GPATCH8: variants seen among roughly 807,000 people sequenced by gnomAD.
The protein encoded by GPATCH8 is G patch domain-containing protein 8.
GPATCH8 carries 18 observed loss-of-function variants against 118.3 expected under a neutral mutation model. The ratio of observed to expected loss-of-function variants is 0.15; its 90% confidence interval spans 0.11 to 0.23. The LOEUF (loss-of-function observed/expected upper bound fraction) is 0.23. Ranked by LOEUF, GPATCH8 falls within the 10% of genes least tolerant of loss-of-function variation. The probability of loss-of-function intolerance (pLI) is 1.00; values close to 1 mark genes in which losing one functional copy is unlikely to be tolerated. For synonymous variants in GPATCH8, 659 were observed against 684.7 expected (o/e 0.96, Z 0.59); for missense variants, 1,631 against 1,873.8 (o/e 0.87, Z 2.39).
intron 3 of GPATCH8, chr17:44,438,525 C>T (rs1437487820): frequency 6.6e-6 from 1 of 151,846 alleles, no homozygotes; most frequent in Non-Finnish European, 1.5e-5. Context: ...CTTTAATGAA[C>T]AAGGATCAGA....
At chr17:44,451,459 G>A (rs577675010) in intron 3 of GPATCH8, among the ~76,000 whole-genome samples, 1 of 152,204 alleles carries the variant, frequency 6.6e-6, no homozygotes, top group East Asian at 1.9e-4. Context: ...AACAGCAACA[G>A]AGAATACATA....
intron 7 of GPATCH8, among the ~76,000 whole-genome samples, chr17:44,403,509 G>C (rs1313187379): frequency 6.6e-6 from 1 of 152,120 alleles, no homozygotes; most frequent in Non-Finnish European, 1.5e-5. Context: ...GTGAGCCACT[G>C]CGCATCTGGC....
intron 1 of GPATCH8, among the ~76,000 whole-genome samples, chr17:44,477,682 C>A (rs1967886946): frequency 1.4e-5 from 2 of 146,314 alleles, no homozygotes; most frequent in African/African-American, 2.5e-5. Context: ...TAGCAAGGGA[C>A]AGGAGGAGTA....
chr17:44,474,168 C>T (rs564987796), intron 2 of GPATCH8, among the ~76,000 whole-genome samples: 2 of 152,028 alleles, frequency 1.3e-5, no homozygotes, highest in African/African-American at 2.4e-5. Context: ...TTAAAAATAA[C>T]GGGTTTTTCA....
chr17:44,498,777 G>C (rs563076070), intron 1 of GPATCH8, among the ~76,000 whole-genome samples: 1 of 152,212 alleles, frequency 6.6e-6, no homozygotes, highest in South Asian at 2.1e-4. Flanking sequence ...GCGAGACATA[G>C]GAAAAACGAT....
rs1387660795 is a variant in GPATCH8, at chr17:44,398,006, T to C, written c.4071A>G (p.Gln1357=). ...TAGCTGGCTGCTGAATGTGGATGGGTTGCAGGGCTGGTGTGGCTGGGGCCA... is the reference window on the plus strand; with the variant it reads ...TAGCTGGCTGCTGAATGTGGATGGGCTGCAGGGCTGGTGTGGCTGGGGCCA... ...AALAPATPAL[Q]PIHIQQPATA... The change falls in exon 8 of 8, where the codon CAA becomes CAG. Residue 1357 remains glutamine, a synonymous_variant. Transcript: ENST00000591680. 7 of 1,613,882 alleles carry C rather than the reference T, an allele frequency of 4.3e-6. No individual in the cohort carries two copies. Among genetic ancestry groups the C allele is most frequent in the Non-Finnish European group, 5.9e-6 (7 of 1,179,938 alleles).
At chr17:44,445,190 T>G (rs1465834242) in intron 3 of GPATCH8, among the ~76,000 whole-genome samples, 1 of 152,134 alleles carries the variant, frequency 6.6e-6, no homozygotes. Flanking sequence ...ATCAAATGTT[T>G]AAGAAAAAAA....
At position 44,403,552 on chromosome 17, in the gene GPATCH8, G is replaced by A. The variant is rs532986446; in HGVS notation, c.624-2099C>T. Among the ~76,000 whole-genome samples, 29 of 152,194 alleles carry A rather than the reference G, an allele frequency of 1.9e-4. No individual in the cohort carries two copies. The South Asian group carries it at 5.0e-3, about 26-fold the overall frequency. On this transcript the variant is annotated intron_variant, in intron 7 of 7. Coordinates refer to ENST00000591680, the MANE Select transcript of GPATCH8 (RefSeq NM_001002909.4). Reference sequence around the variant, plus strand: ...TTTTATAGTTTGTACACTATACAGCGTACACTATACCCTTAAATTCCAAAT... The same window carrying A: ...TTTTATAGTTTGTACACTATACAGCATACACTATACCCTTAAATTCCAAAT...
intron 6 of GPATCH8, among the ~76,000 whole-genome samples, chr17:44,412,585 T>C (rs566691769): frequency 1.2e-4 from 19 of 152,198 alleles, no homozygotes; most frequent in African/African-American, 4.3e-4. Flanking sequence ...GGTTTCACCA[T>C]GTTGGCCAGG....
chr17:44,446,819 C>T (rs141817660), intron 3 of GPATCH8, among the ~76,000 whole-genome samples: 1 of 151,752 alleles, frequency 6.6e-6, no homozygotes, highest in East Asian at 1.9e-4. Context: ...CTTTCCACTG[C>T]AACTCCTCCA....
At chr17:44,475,971 G>A (rs1292510523) in intron 1 of GPATCH8, among the ~76,000 whole-genome samples, 1 of 152,164 alleles carries the variant, frequency 6.6e-6, no homozygotes, top group Non-Finnish European at 1.5e-5. Context: ...CGAAGCTGCA[G>A]TGAGCTGTGA....
At chr17:44,427,114 T>C (rs1487330773) in intron 5 of GPATCH8, among the ~76,000 whole-genome samples, 1 of 151,908 alleles carries the variant, frequency 6.6e-6, no homozygotes, top group African/African-American at 2.4e-5. Context: ...CTTGCTCTAT[T>C]GGCCAGACTG....
At chr17:44,497,765 C>G (rs1969769821) in intron 1 of GPATCH8, among the ~76,000 whole-genome samples, 1 of 151,826 alleles carries the variant, frequency 6.6e-6, no homozygotes, top group Non-Finnish European at 1.5e-5. Context: ...CAAGTTGAAA[C>G]CCCGTCTCTA....
At chr17:44,420,223 A>C (rs571377917) in intron 6 of GPATCH8, among the ~76,000 whole-genome samples, 8 of 152,114 alleles carry the variant, frequency 5.3e-5, no homozygotes, top group Non-Finnish European at 8.8e-5. Flanking sequence ...TTTTATTTTG[A>C]TGGTACTCTA....
intron 6 of GPATCH8, among the ~76,000 whole-genome samples, chr17:44,406,684 G>C (rs2049245332): frequency 6.6e-6 from 1 of 152,134 alleles, no homozygotes; most frequent in African/African-American, 2.4e-5. Flanking sequence ...TGGTCAGCCT[G>C]CTGAAAGTAG....
At chr17:44,451,087 T>TAA (rs1032906797) in intron 3 of GPATCH8, among the ~76,000 whole-genome samples, 1 of 152,172 alleles carries the variant, frequency 6.6e-6, no homozygotes, top group South Asian at 2.1e-4. Context: ...TATTCACTCT[T>TAA]AAAGACTTAG....
Position 44,399,824 on chromosome 17 carries a change from T to C in GPATCH8, c.2253A>G (p.Gln751=). ...GGAGGGATCTCCGCTGGGAGTCATC[T>C]TGAGCTCTCCGCCTTCTTCTTGGTG... ...PAPPRRRRRA[Q]DDSQRRSLPA... The change falls in exon 8 of 8, where the codon CAA becomes CAG. Residue 751 remains glutamine (Q), a synonymous_variant. Coordinates refer to ENST00000591680, the MANE Select transcript of GPATCH8 (RefSeq NM_001002909.4). The C allele has an allele frequency of 6.2e-7, 1 of 1,613,652 alleles. No homozygotes were observed. The highest frequency in any genetic ancestry group is 8.5e-7 in the Non-Finnish European group (1 of 1,179,880).
At chr17:44,414,161 A>ATATATATATGTG (rs2049588282) in intron 6 of GPATCH8, among the ~76,000 whole-genome samples, 1 of 145,798 alleles carries the variant, frequency 6.9e-6, no homozygotes, top group Non-Finnish European at 1.5e-5. Flanking sequence ...ATATATGTGT[A>ATATATATATGTG]TATATATATA....
chr17:44,450,585 A>AAAGATATT (rs11283092), intron 3 of GPATCH8, among the ~76,000 whole-genome samples: 91,091 of 151,354 alleles, frequency 0.6, 27,567 homozygotes, highest in Middle Eastern at 0.67. Flanking sequence ...CTACATTTGA[A>AAAGATATT]ATACTACATA....
Sources: gnomAD v4.1 joint callset for allele counts (sites outside exome capture counted in the v4.1 genomes callset) on GRCh38, gnomAD v4.1.1 for gene constraint, MANE v1.5 for transcripts, NCBI Gene and HGNC (gene_info 2026-07-23, HGNC 2026-07-21) for gene names.